Variants in PIK3C2G observed in about 807,000 individuals in gnomAD.
PIK3C2G encodes phosphatidylinositol 3-kinase C2 domain-containing subunit gamma.
A neutral mutation model predicts 181.1 loss-of-function variants in PIK3C2G; 168 were observed. That is an observed-to-expected ratio of 0.93 (90% confidence interval 0.82 to 1.05). The LOEUF is 1.05. Among genes scored for constraint, PIK3C2G ranks in the 50% least tolerant of loss-of-function variants. The pLI is 0.00. For synonymous variants in PIK3C2G, 573 were observed against 592.2 expected (o/e 0.97, Z 0.47); for missense variants, 1,869 against 1,732.8 (o/e 1.08, Z -1.40).
chr12:18,693,842 C>A, the PIK3C2G span: 3 of 1,531,194 alleles, frequency 2.0e-6, no homozygotes, highest in Admixed American at 1.7e-5. Flanking sequence ...GTTCCCCCTG[C>A]CTGATGAAAA....
upstream of PIK3C2G, among the ~76,000 whole-genome samples, chr12:18,260,785 A>G (rs893411407): frequency 1.3e-5 from 2 of 152,110 alleles, no homozygotes; most frequent in African/African-American, 4.8e-5. Context: ...CCAGTAAAGC[A>G]GGCCTACTTC....
chr12:18,585,670 C>T (rs144489134), intron 29 of PIK3C2G, among the ~76,000 whole-genome samples: 2,033 of 152,162 alleles, frequency 0.013, 22 homozygotes, highest in African/African-American at 0.018. Context: ...ATGTTGAGGA[C>T]CTGAACTCAA....
intron 11 of PIK3C2G, among the ~76,000 whole-genome samples, chr12:18,356,326 T>C (rs1294125772): frequency 6.6e-6 from 1 of 152,140 alleles, no homozygotes; most frequent in Non-Finnish European, 1.5e-5. Flanking sequence ...GCTCATTTAC[T>C]CAGTCCATAG....
intron 15 of PIK3C2G, among the ~76,000 whole-genome samples, chr12:18,396,164 C>T (rs990409347): frequency 6.6e-6 from 1 of 151,304 alleles, no homozygotes; most frequent in Non-Finnish European, 1.5e-5. Context: ...TGTATATAAG[C>T]AATTAGATTT....
rs115839819 is a variant in PIK3C2G, at chr12:18,407,525, C to T, written c.2315+7678C>T. Among the ~76,000 whole-genome samples, 512 of 152,142 alleles carry T rather than the reference C, an allele frequency of 3.4e-3. 3 individuals are homozygous for T. Among genetic ancestry groups the T allele is most frequent in the African/African-American group, 0.012 (482 of 41,520 alleles). ...CTCACCTTAGACACTTTGCTAGGCC[C>T]TGAAACTAGCAAAAAGAAACATGAT... On this transcript the variant is annotated intron_variant, in intron 16 of 32. Transcript: ENST00000538779.
intron 7 of PIK3C2G, 37 bp from the exon 8 acceptor site, chr12:18,324,998 C>T (rs1303951062): frequency 9.1e-6 from 10 of 1,094,438 alleles, no homozygotes; most frequent in African/African-American, 3.2e-5. Flanking sequence ...GTTTTCCCAC[C>T]CAATTTTAAA....
chr12:18,281,897 A>T (rs1949235373), intron 1 of PIK3C2G, 107 bp from the exon 2 acceptor site: 1 of 548,020 alleles, frequency 1.8e-6, no homozygotes. Context: ...CACTTGCTAA[A>T]AAAAAGCCCA....
At chr12:18,269,388 T>G (rs1320625780) in intron 1 of PIK3C2G, among the ~76,000 whole-genome samples, 1 of 152,160 alleles carries the variant, frequency 6.6e-6, no homozygotes, top group Non-Finnish European at 1.5e-5. Context: ...AATAGATACA[T>G]TGGGGTATAT....
At chr12:18,392,741 TG>T (rs1943614872) in intron 15 of PIK3C2G, among the ~76,000 whole-genome samples, 1 of 151,934 alleles carries the variant, frequency 6.6e-6, no homozygotes, top group South Asian at 2.1e-4. Context: ...TTGCAAGAAC[TG>T]GAAAAAGTAA....
chr12:18,618,421 T>A (rs1190684587), intron 31 of PIK3C2G, among the ~76,000 whole-genome samples: 2 of 152,170 alleles, frequency 1.3e-5, no homozygotes, highest in Non-Finnish European at 2.9e-5. Context: ...TAACTGAGAT[T>A]TGAACACCTA....
chr12:18,262,554 T>C (rs1948292045), intron 1 of PIK3C2G, among the ~76,000 whole-genome samples: 1 of 151,118 alleles, frequency 6.6e-6, no homozygotes, highest in African/African-American at 2.4e-5. Flanking sequence ...AAAGCAAGTT[T>C]GTGAATTGAG....
intron 29 of PIK3C2G, among the ~76,000 whole-genome samples, chr12:18,576,102 A>G (rs2136398480): frequency 6.6e-6 from 1 of 152,388 alleles, no homozygotes; most frequent in South Asian, 2.1e-4. Context: ...CTATACAAAT[A>G]GTGACACACA....
chr12:18,604,148 C>T (rs1049562208), intron 30 of PIK3C2G, among the ~76,000 whole-genome samples: 2 of 152,150 alleles, frequency 1.3e-5, no homozygotes, highest in South Asian at 2.1e-4. Context: ...CTTCAGGAGA[C>T]TCACCTAACA....
intron 8 of PIK3C2G, among the ~76,000 whole-genome samples, chr12:18,325,741 A>G (rs945794607): frequency 6.6e-6 from 1 of 151,698 alleles, no homozygotes; most frequent in Non-Finnish European, 1.5e-5. Context: ...GAGAGAGAAA[A>G]GAGTCAGGAA....
intron 18 of PIK3C2G, among the ~76,000 whole-genome samples, chr12:18,454,501 G>A (rs1262610603): frequency 2.0e-5 from 3 of 152,116 alleles, no homozygotes; most frequent in Admixed American, 2.0e-4. Flanking sequence ...AGTCACGTGA[G>A]GTATACACAG....
At chr12:18,389,270 G>A (rs956594733) in intron 14 of PIK3C2G, among the ~76,000 whole-genome samples, 12 of 151,764 alleles carry the variant, frequency 7.9e-5, no homozygotes, top group Admixed American at 5.3e-4. Context: ...GGAGAATGGC[G>A]TGAACCCGGC....
At chr12:18,497,483 C>A in intron 21 of PIK3C2G, 136 bp from the exon 22 acceptor site, 1 of 508,868 alleles carries the variant, frequency 2.0e-6, no homozygotes, top group Non-Finnish European at 3.2e-6. Flanking sequence ...AATTTTAGTG[C>A]TAACAAAACC....
At chr12:18,272,869 C>T (rs1175926613) in intron 1 of PIK3C2G, among the ~76,000 whole-genome samples, 1 of 152,122 alleles carries the variant, frequency 6.6e-6, no homozygotes, top group Non-Finnish European at 1.5e-5. Context: ...AGCAACCCTG[C>T]TTTCTTTTAC....
chr12:18,308,464 T>C (rs1950507751), intron 5 of PIK3C2G, among the ~76,000 whole-genome samples: 1 of 150,768 alleles, frequency 6.6e-6, no homozygotes, highest in Non-Finnish European at 1.5e-5. Context: ...TATAGATCAA[T>C]GGTTAACATA....
Sources: allele counts gnomAD v4.1 joint callset (sites outside exome capture counted in the v4.1 genomes callset), GRCh38; gene constraint gnomAD v4.1.1; transcripts MANE v1.5; gene names NCBI Gene and HGNC (gene_info 2026-07-23, HGNC 2026-07-21).